Variants in STRN3 observed in about 807,000 individuals in gnomAD.
STRN3 encodes the protein striatin 3, also known as striatin-3.
Under a neutral mutation model 95.6 loss-of-function variants are expected in STRN3, and 29 were observed. That is an observed-to-expected ratio of 0.30 (90% confidence interval 0.23 to 0.41). The LOEUF is 0.41. STRN3 is among the 10% of genes least tolerant of loss of function. The pLI, the probability that STRN3 is intolerant of heterozygous loss-of-function variation, is 1.00. For missense variants in STRN3, 890 were observed against 972.1 expected, an observed-to-expected ratio of 0.92 and a Z score of 1.12; for synonymous variants, 331 against 357.6, an observed-to-expected ratio of 0.93 and a Z score of 0.84.
chr14:31,003,679 G>C (rs957105361), intron 1 of STRN3, among the ~76,000 whole-genome samples: 1 of 151,452 alleles, frequency 6.6e-6, no homozygotes, highest in Non-Finnish European at 1.5e-5. Flanking sequence ...TCTTGAACTT[G>C]CCAACCAACA....
chr14:30,967,590 C>A (rs1300020430), intron 1 of STRN3, among the ~76,000 whole-genome samples: 1 of 152,172 alleles, frequency 6.6e-6, no homozygotes, highest in Non-Finnish European at 1.5e-5. Flanking sequence ...CAGTAACCCG[C>A]GGATGGCCCA....
intron 1 of STRN3, among the ~76,000 whole-genome samples, chr14:30,969,345 G>A (rs1880708788): frequency 6.6e-6 from 1 of 152,068 alleles, no homozygotes; most frequent in African/African-American, 2.4e-5. Flanking sequence ...GCTAAGGCAG[G>A]AGAATGGCGT....
intron 1 of STRN3, among the ~76,000 whole-genome samples, chr14:31,023,463 C>A (rs1262842026): frequency 1.3e-5 from 2 of 152,048 alleles, no homozygotes; most frequent in African/African-American, 4.8e-5. Context: ...ATATCTTTCC[C>A]AAAGCCAGGG....
At chr14:30,982,309 C>CTAAA (rs1241784322) in intron 1 of STRN3, among the ~76,000 whole-genome samples, 3 of 151,872 alleles carry the variant, frequency 2.0e-5, no homozygotes, top group Non-Finnish European at 4.4e-5. Flanking sequence ...TAGAGATACT[C>CTAAA]AATTTTTATT....
At chr14:30,951,469 C>A (rs915491822) in intron 3 of STRN3, among the ~76,000 whole-genome samples, 3 of 152,116 alleles carry the variant, frequency 2.0e-5, no homozygotes, top group Admixed American at 1.3e-4. Flanking sequence ...TAGGCTCAAG[C>A]GATCCACCCA....
chr14:30,996,244 C>T (rs763753743), intron 1 of STRN3, among the ~76,000 whole-genome samples: 5 of 152,114 alleles, frequency 3.3e-5, no homozygotes, highest in Non-Finnish European at 7.3e-5. Context: ...GGAGTTGGGT[C>T]ACCGACCACC....
At chr14:30,937,891 T>A (rs1878900044) in intron 5 of STRN3, among the ~76,000 whole-genome samples, 1 of 152,142 alleles carries the variant, frequency 6.6e-6, no homozygotes, top group Non-Finnish European at 1.5e-5. Flanking sequence ...GTAATACAAT[T>A]CAGATTATAG....
At chr14:30,938,365 G>T (rs1878928030) in intron 5 of STRN3, among the ~76,000 whole-genome samples, 1 of 152,062 alleles carries the variant, frequency 6.6e-6, no homozygotes. Flanking sequence ...TTAATATTTG[G>T]AGAGTAAGTG....
chr14:30,992,694 T>C (rs533114111), intron 1 of STRN3, among the ~76,000 whole-genome samples: 1 of 152,084 alleles, frequency 6.6e-6, no homozygotes, highest in African/African-American at 2.4e-5. Flanking sequence ...CGTATTTTTA[T>C]ATGCGTCTAT....
At chr14:30,961,855 CCT>C (rs1491512029) in intron 1 of STRN3, among the ~76,000 whole-genome samples, 25 of 152,202 alleles carry the variant, frequency 1.6e-4, no homozygotes, top group Non-Finnish European at 2.1e-4. Flanking sequence ...GGTCCTCTTG[CCT>C]TAGCCTTCTG....
intron 8 of STRN3, among the ~76,000 whole-genome samples, chr14:30,921,614 T>G (rs1209828341): frequency 1.3e-5 from 2 of 152,222 alleles, no homozygotes; most frequent in East Asian, 3.8e-4. Context: ...AAATTTAATG[T>G]CTTTGTTTTC....
intron 1 of STRN3, among the ~76,000 whole-genome samples, chr14:30,963,620 G>A (rs530624586): frequency 6.6e-6 from 1 of 152,228 alleles, no homozygotes; most frequent in South Asian, 2.1e-4. Flanking sequence ...ATGTTGGCCA[G>A]GCTGGTCTCA....
intron 1 of STRN3, among the ~76,000 whole-genome samples, chr14:30,985,396 G>C (rs949362499): frequency 1.3e-5 from 2 of 151,966 alleles, no homozygotes; most frequent in Non-Finnish European, 2.9e-5. Flanking sequence ...CTGAGGTCGG[G>C]AGTTCGAGAC....
chr14:30,910,993 G>A (rs1317693787), intron 13 of STRN3, 48 bp downstream of exon 13: 1 of 1,578,952 alleles, frequency 6.3e-7, no homozygotes, highest in South Asian at 1.1e-5. Flanking sequence ...ATTTACTTTT[G>A]TCAGCTCCAT....
intron 1 of STRN3, among the ~76,000 whole-genome samples, chr14:30,975,276 A>T (rs1222029390): frequency 6.6e-6 from 1 of 151,340 alleles, no homozygotes; most frequent in African/African-American, 2.4e-5. Context: ...AGCTGGAGAG[A>T]CCATTATTCT....
chr14:30,966,232 T>C (rs1231791821), intron 1 of STRN3, among the ~76,000 whole-genome samples: 1 of 152,210 alleles, frequency 6.6e-6, no homozygotes, highest in Non-Finnish European at 1.5e-5. Context: ...GCATCAGGGA[T>C]AAGAACCCCT....
intron 1 of STRN3, among the ~76,000 whole-genome samples, chr14:31,003,204 G>A (rs1438618903): frequency 2.7e-5 from 4 of 150,724 alleles, no homozygotes; most frequent in African/African-American, 9.8e-5. Context: ...GGAGGTTGCA[G>A]TGAGCCAAGA....
intron 1 of STRN3, among the ~76,000 whole-genome samples, chr14:31,012,619 C>T (rs1006631555): frequency 6.6e-6 from 1 of 152,166 alleles, no homozygotes; most frequent in Non-Finnish European, 1.5e-5. Flanking sequence ...TAGGGTCAGG[C>T]GCGGTGGCTC....
In STRN3 at chr14:30,905,544, T is replaced by C. The variant is rs754762959; in HGVS notation, c.1903A>G (p.Thr635Ala). 2 of 1,603,010 alleles carry C rather than the reference T, an allele frequency of 1.2e-6. No homozygotes were observed. Among genetic ancestry groups the C allele is most frequent in the South Asian group, 2.3e-5 (2 of 87,328 alleles). ...TCACAGCCTATAAAGTCAACTGATG[T>C]AGGTATTCCATGCTCTGAAATGAGC... ...YNGDKKHGIPTSVDFIGCDPA... is the reference protein window; with the variant it reads ...YNGDKKHGIPASVDFIGCDPA... The change falls in exon 15 of 18, where the codon ACA becomes GCA. Residue 635 changes from threonine (T) to alanine (A), a missense_variant. Coordinates refer to ENST00000357479, the MANE Select transcript of STRN3 (RefSeq NM_001083893.2).
Sources: gnomAD v4.1 joint callset for allele counts (sites outside exome capture counted in the v4.1 genomes callset) on GRCh38, gnomAD v4.1.1 for gene constraint, MANE v1.5 for transcripts, NCBI Gene and HGNC (gene_info 2026-07-23, HGNC 2026-07-21) for gene names.